Variants in SHISA9 observed in about 807,000 individuals in gnomAD.
SHISA9 encodes the protein protein shisa-9.
A neutral mutation model predicts 38.0 loss-of-function variants in SHISA9; 13 were observed. That is an observed-to-expected ratio of 0.34 (90% confidence interval 0.22 to 0.54). The LOEUF (loss-of-function observed/expected upper bound fraction) is 0.54, where lower values mean the gene tolerates loss of function less well. Ranked by LOEUF, SHISA9 falls within the 20% of genes least tolerant of loss-of-function variation. SHISA9 has a pLI of 0.91. For synonymous variants in SHISA9, 275 were observed against 242.0 expected (o/e 1.14, Z -1.27); for missense variants, 538 against 575.8 (o/e 0.93, Z 0.67).
chr16:13,085,018 A>C (rs2073694742), intron 2 of SHISA9, among the ~76,000 whole-genome samples: 1 of 152,144 alleles, frequency 6.6e-6, no homozygotes. Context: ...GAAGACATAA[A>C]GTGAAGGTAA....
At chr16:13,060,964 C>T (rs1291222565) in intron 2 of SHISA9, among the ~76,000 whole-genome samples, 1 of 152,156 alleles carries the variant, frequency 6.6e-6, no homozygotes, top group African/African-American at 2.4e-5. Context: ...TCCATATCGT[C>T]TCCTGGTTGA....
At chr16:13,471,491 G>C in the SHISA9 span, among the ~76,000 whole-genome samples, 2 of 152,120 alleles carry the variant, frequency 1.3e-5, no homozygotes, top group Non-Finnish European at 2.9e-5. Flanking sequence ...AGTAGATTAA[G>C]AGGAGATGAG....
the SHISA9 span, among the ~76,000 whole-genome samples, chr16:13,384,084 C>A: frequency 6.6e-6 from 1 of 152,154 alleles, no homozygotes; most frequent in African/African-American, 2.4e-5. Context: ...AGAAACTATG[C>A]CTCCTTTCAA....
At chr16:12,983,587 C>G (rs2072268936) in intron 2 of SHISA9, among the ~76,000 whole-genome samples, 1 of 152,190 alleles carries the variant, frequency 6.6e-6, no homozygotes. Flanking sequence ...CTCTCAGGTT[C>G]ACACCATTCT....
chr16:12,975,877 A>ATT (rs113369786), intron 2 of SHISA9, among the ~76,000 whole-genome samples: 1 of 144,952 alleles, frequency 6.9e-6, no homozygotes, highest in East Asian at 2.0e-4. Flanking sequence ...TTGAACAGCA[A>ATT]TTTTTTTTTT....
At chr16:13,072,899 G>A (rs893910859) in intron 2 of SHISA9, among the ~76,000 whole-genome samples, 5 of 152,168 alleles carry the variant, frequency 3.3e-5, no homozygotes, top group African/African-American at 1.2e-4. Context: ...GGTCTCAAGT[G>A]ATCCACCCAC....
the SHISA9 span, among the ~76,000 whole-genome samples, chr16:13,540,547 C>T: frequency 6.6e-6 from 1 of 152,152 alleles, no homozygotes; most frequent in Non-Finnish European, 1.5e-5. Flanking sequence ...AAAATATATA[C>T]TTTATTTCTA....
At chr16:13,537,387 C>A in the SHISA9 span, among the ~76,000 whole-genome samples, 19,497 of 150,936 alleles carry the variant, frequency 0.13, 1,704 homozygotes, top group African/African-American at 0.23. Context: ...GAGATCACAC[C>A]ATTGCACTCC....
chr16:12,993,336 A>G (rs1024945131), intron 2 of SHISA9, among the ~76,000 whole-genome samples: 1 of 152,224 alleles, frequency 6.6e-6, no homozygotes, highest in African/African-American at 2.4e-5. Flanking sequence ...GCAACATAAC[A>G]CAGTAGTTAA....
intron 2 of SHISA9, among the ~76,000 whole-genome samples, chr16:13,106,305 C>G (rs1235262217): frequency 6.6e-6 from 1 of 152,162 alleles, no homozygotes; most frequent in African/African-American, 2.4e-5. Context: ...CTGGGCCCAG[C>G]ATGAAGCCTG....
At chr16:12,945,694 A>G (rs2071679255) in intron 2 of SHISA9, among the ~76,000 whole-genome samples, 1 of 152,218 alleles carries the variant, frequency 6.6e-6, no homozygotes, top group Non-Finnish European at 1.5e-5. Flanking sequence ...TGGAATGATA[A>G]TATCTTATAG....
the SHISA9 span, among the ~76,000 whole-genome samples, chr16:13,451,580 T>A: frequency 6.6e-6 from 1 of 152,156 alleles, no homozygotes; most frequent in Non-Finnish European, 1.5e-5. Context: ...AAACTGAAGA[T>A]CGGAGGACCT....
At chr16:13,294,793 G>C in the SHISA9 span, among the ~76,000 whole-genome samples, 1 of 152,210 alleles carries the variant, frequency 6.6e-6, no homozygotes, top group African/African-American at 2.4e-5. Flanking sequence ...ATTGAGTTGA[G>C]TGGGAAGCAT....
intron 2 of SHISA9, among the ~76,000 whole-genome samples, chr16:13,196,407 A>AAAAAAG (rs59400779): frequency 1.4e-4 from 21 of 150,132 alleles, no homozygotes; most frequent in African/African-American, 4.8e-4. Context: ...AAAAAAAAAA[A>AAAAAAG]AAAGAAAGAA....
chr16:13,181,708 A>G (rs1425676718), intron 2 of SHISA9, among the ~76,000 whole-genome samples: 2 of 152,030 alleles, frequency 1.3e-5, no homozygotes, highest in East Asian at 3.9e-4. Context: ...GAGGTATCTC[A>G]ATAGGAGGTC....
intron 2 of SHISA9, among the ~76,000 whole-genome samples, chr16:13,103,080 G>T (rs1020350435): frequency 6.6e-6 from 1 of 152,182 alleles, no homozygotes; most frequent in Non-Finnish European, 1.5e-5. Flanking sequence ...GAGAGTAGTT[G>T]ATTCATTTAT....
chr16:13,550,899 G>A, the SHISA9 span, among the ~76,000 whole-genome samples: 411 of 152,056 alleles, frequency 2.7e-3, 2 homozygotes, highest in Non-Finnish European at 4.5e-3. Context: ...CAACGTGGGC[G>A]GATCAAAAGG....
rs1348691333 is a variant in SHISA9, at chr16:13,238,754, G to C, written c.*3345G>C. On this transcript the variant is annotated 3_prime_UTR_variant, in exon 5 of 5. Transcript: ENST00000558583. ...AGTTGGTTTTGGGAGATGAACTGAA[G>C]AGGGAAGTTTGGATAGGGAAGGTCT... 6.6e-6 allele frequency: 1 copy of C among 151,424 alleles called. No individual in the cohort carries two copies. The highest frequency in any genetic ancestry group is 6.6e-5 in the Admixed American group (1 of 15,196). 9.4% of individuals were successfully genotyped at this position (151,424 alleles called of 1,614,324 possible). A position where few individuals can be genotyped will look rare whatever the true frequency, so the allele number is the denominator to read the frequency against.
chr16:12,970,331 A>ATATACACATATATG (rs1567356731), intron 2 of SHISA9, among the ~76,000 whole-genome samples: 13 of 79,448 alleles, frequency 1.6e-4, no homozygotes, highest in Non-Finnish European at 2.2e-4. Flanking sequence ...ATATACATAT[A>ATATACACATATATG]TATATATATA....
Sources: gnomAD v4.1 joint callset for allele counts (sites outside exome capture counted in the v4.1 genomes callset) on GRCh38, gnomAD v4.1.1 for gene constraint, MANE v1.5 for transcripts, NCBI Gene and HGNC (gene_info 2026-07-23, HGNC 2026-07-21) for gene names.